The following TAFA2 variants were observed in gnomAD, a reference collection of about 807,000 sequenced individuals.
TAFA2 encodes the protein TAFA chemokine like family member 2.
TAFA2 carries 7 observed loss-of-function variants against 18.8 expected under a neutral mutation model. The observed-to-expected ratio is 0.37, with a 90% CI of 0.21 to 0.70. The LOEUF is 0.70. TAFA2 is among the 30% of genes least tolerant of loss of function. TAFA2 has a pLI of 0.53. For missense variants in TAFA2, 122 were observed against 158.1 expected, an observed-to-expected ratio of 0.77 and a Z score of 1.23; for synonymous variants, 60 against 54.2, an observed-to-expected ratio of 1.11 and a Z score of -0.47.
chr12:61,735,953 C>A (rs1293431377), intron 4 of TAFA2, among the ~76,000 whole-genome samples: 1 of 152,078 alleles, frequency 6.6e-6, no homozygotes, highest in African/African-American at 2.4e-5. Flanking sequence ...TATCTGCTCA[C>A]CTCAATCTAA....
At chr12:61,948,272 C>T (rs1878349670) in intron 1 of TAFA2, among the ~76,000 whole-genome samples, 1 of 152,146 alleles carries the variant, frequency 6.6e-6, no homozygotes, top group Non-Finnish European at 1.5e-5. Context: ...AAGTAACTTT[C>T]ACAAGATTAC....
At chr12:61,727,366 A>T (rs1870217793) in intron 4 of TAFA2, among the ~76,000 whole-genome samples, 1 of 149,220 alleles carries the variant, frequency 6.7e-6, no homozygotes. Context: ...TTTTTTTGAC[A>T]ATTTTTTTTA....
At position 61,738,290 on chromosome 12, in the gene TAFA2, AACACACAC is replaced by A. The variant is rs369001355; in HGVS notation, c.384+15324_384+15331del. On this transcript the variant is annotated intron_variant, in intron 4 of 4. Coordinates refer to ENST00000416284, the MANE Select transcript of TAFA2 (RefSeq NM_178539.5). ...TACAAAAACTTAAAATGAAAATGAA[AACACACAC>A]ACACACACACACACACACACACACA... Among the ~76,000 whole-genome samples the A allele has an allele frequency of 6.8e-3, 846 of 124,622 alleles. 8 individuals are homozygous for A. Among genetic ancestry groups the A allele is most frequent in the African/African-American group, 0.023 (797 of 35,046 alleles). The allele number at this position is 124,622 out of a possible 152,430, so 81.8% of individuals were successfully genotyped here.
intron 1 of TAFA2, among the ~76,000 whole-genome samples, chr12:62,240,280 G>A (rs555236053): frequency 2.2e-4 from 34 of 151,638 alleles, no homozygotes; most frequent in Non-Finnish European, 3.5e-4. Context: ...TTAGCTGGGC[G>A]TGATGGTGTG....
At chr12:62,010,832 A>G (rs12426920) in intron 1 of TAFA2, among the ~76,000 whole-genome samples, 7,291 of 107,592 alleles carry the variant, frequency 0.068, 572 homozygotes, top group Middle Eastern at 0.18. Context: ...GCCTCTGCCC[A>G]GCAGCCCTTC....
intron 1 of TAFA2, among the ~76,000 whole-genome samples, chr12:62,238,431 C>T (rs1350152888): frequency 6.6e-6 from 1 of 152,220 alleles, no homozygotes; most frequent in Non-Finnish European, 1.5e-5. Flanking sequence ...TTTGTGAGCA[C>T]TTTCCATGTG....
intron 2 of TAFA2, among the ~76,000 whole-genome samples, chr12:61,755,687 C>A (rs767658824): frequency 6.6e-5 from 10 of 152,100 alleles, no homozygotes; most frequent in Admixed American, 2.0e-4. Context: ...TAATTCGTAT[C>A]TGGCAGCCAA....
intron 1 of TAFA2, among the ~76,000 whole-genome samples, chr12:62,225,267 G>C (rs1003952952): frequency 6.6e-6 from 1 of 152,150 alleles, no homozygotes; most frequent in Admixed American, 6.5e-5. Flanking sequence ...AGTCAGTAGA[G>C]AATGACTACT....
At chr12:62,008,566 T>G (rs550744543) in intron 1 of TAFA2, among the ~76,000 whole-genome samples, 2 of 152,322 alleles carry the variant, frequency 1.3e-5, no homozygotes, top group Admixed American at 6.5e-5. Flanking sequence ...AGTCTAATTC[T>G]AAGTCTAATA....
chr12:61,839,733 A>C (rs35427342), intron 2 of TAFA2, among the ~76,000 whole-genome samples: 5 of 151,942 alleles, frequency 3.3e-5, no homozygotes, highest in Non-Finnish European at 7.4e-5. Context: ...TAACACTGGA[A>C]GGAAGGATGA....
At chr12:61,919,642 T>G (rs1482938560) in intron 1 of TAFA2, among the ~76,000 whole-genome samples, 4 of 151,834 alleles carry the variant, frequency 2.6e-5, no homozygotes, top group Admixed American at 2.0e-4. Context: ...TGTATTTTAT[T>G]GTACTGTATA....
At chr12:61,769,551 A>T (rs561046469) in intron 2 of TAFA2, among the ~76,000 whole-genome samples, 2 of 152,110 alleles carry the variant, frequency 1.3e-5, no homozygotes, top group Non-Finnish European at 2.9e-5. Flanking sequence ...CTGAAGACAG[A>T]TCACATCACA....
At chr12:61,737,928 A>T (rs1868332295) in intron 4 of TAFA2, among the ~76,000 whole-genome samples, 1 of 152,004 alleles carries the variant, frequency 6.6e-6, no homozygotes, top group African/African-American at 2.4e-5. Flanking sequence ...GTCAAGACAA[A>T]TTATAAAGAA....
At chr12:61,879,754 C>T in intron 1 of TAFA2, 1 of 1,334,198 alleles carries the variant, frequency 7.5e-7, no homozygotes, top group Non-Finnish European at 1.1e-6. Flanking sequence ...AGAGCTACAT[C>T]AACAACCTTA....
chr12:62,113,853 C>T (rs553973853), intron 1 of TAFA2, among the ~76,000 whole-genome samples: 55 of 152,212 alleles, frequency 3.6e-4, no homozygotes, highest in Non-Finnish European at 2.6e-4. Context: ...CAACCAAGCT[C>T]GAGCATCCAG....
At chr12:61,878,085 A>G (rs1874946716) in intron 1 of TAFA2, 1 of 455,474 alleles carries the variant, frequency 2.2e-6, no homozygotes, top group Non-Finnish European at 4.4e-6. Context: ...TACATGAGAG[A>G]TACCTAGAAT....
At chr12:62,044,290 G>GT (rs1223065266) in intron 1 of TAFA2, among the ~76,000 whole-genome samples, 2 of 152,104 alleles carry the variant, frequency 1.3e-5, no homozygotes, top group Non-Finnish European at 2.9e-5. Flanking sequence ...TAATCTGAGT[G>GT]TTTTAACATT....
At chr12:61,710,539 C>A in intron 4 of TAFA2, 122 bp from the exon 5 acceptor site, 2 of 726,902 alleles carry the variant, frequency 2.8e-6, no homozygotes, top group South Asian at 1.9e-5. Flanking sequence ...AAATGCATTA[C>A]TTAATTTTAA....
chr12:62,159,709 G>A (rs1230773501), intron 1 of TAFA2, among the ~76,000 whole-genome samples: 1 of 152,058 alleles, frequency 6.6e-6, no homozygotes, highest in Non-Finnish European at 1.5e-5. Context: ...GGACTTGGGG[G>A]AAGAGTGGGA....
Sources: allele counts gnomAD v4.1 joint callset (sites outside exome capture counted in the v4.1 genomes callset), GRCh38; gene constraint gnomAD v4.1.1; transcripts MANE v1.5; gene names NCBI Gene and HGNC (gene_info 2026-07-23, HGNC 2026-07-21).